GALNT13: variants seen among roughly 807,000 people sequenced by gnomAD.
The protein encoded by GALNT13 is UDP-GalNAc:polypeptide N-acetylgalactosaminyltransferase 13.
GALNT13 carries 28 observed loss-of-function variants against 64.2 expected under a neutral mutation model. The observed-to-expected ratio is 0.44, with a 90% CI of 0.32 to 0.60. The LOEUF (loss-of-function observed/expected upper bound fraction) is 0.60. Ranked by LOEUF, GALNT13 falls within the 20% of genes least tolerant of loss-of-function variation. The pLI is 0.05. For synonymous variants in GALNT13, 214 were observed against 224.6 expected, an observed-to-expected ratio of 0.95 and a Z score of 0.42; for missense variants, 577 against 669.8, an observed-to-expected ratio of 0.86 and a Z score of 1.53.
chr2:154,434,526 T>A (rs1449920333), intron 11 of GALNT13, among the ~76,000 whole-genome samples: 1 of 152,138 alleles, frequency 6.6e-6, no homozygotes. Context: ...CCCAAACTGC[T>A]GGGATTAAGG....
At chr2:153,134,937 GA>G in the GALNT13 span, among the ~76,000 whole-genome samples, 68 of 152,252 alleles carry the variant, frequency 4.5e-4, 1 homozygote, top group Non-Finnish European at 6.9e-4. Context: ...TGGGGGCTGA[GA>G]AAGATGACAG....
chr2:154,169,230 G>A (rs1449417232), intron 4 of GALNT13, among the ~76,000 whole-genome samples: 1 of 152,060 alleles, frequency 6.6e-6, no homozygotes, highest in Non-Finnish European at 1.5e-5. Context: ...GTTTTGGAGG[G>A]GAGGGGTCAA....
the GALNT13 span, among the ~76,000 whole-genome samples, chr2:153,839,286 T>C: frequency 1.3e-5 from 2 of 151,904 alleles, no homozygotes; most frequent in Non-Finnish European, 2.9e-5. Context: ...CTAGAACTTC[T>C]AGTACTATAT....
chr2:153,738,129 AGTTT>A, the GALNT13 span, among the ~76,000 whole-genome samples: 30 of 151,788 alleles, frequency 2.0e-4, no homozygotes, highest in East Asian at 3.9e-4. Flanking sequence ...ACATTATGTG[AGTTT>A]GTTTATTAAT....
At chr2:153,496,292 C>T in the GALNT13 span, among the ~76,000 whole-genome samples, 3 of 152,068 alleles carry the variant, frequency 2.0e-5, no homozygotes, top group African/African-American at 7.2e-5. Flanking sequence ...TTAAGGAATC[C>T]CTAATGGCAG....
chr2:154,001,197 T>A (rs1695879635), intron 3 of GALNT13, among the ~76,000 whole-genome samples: 1 of 151,996 alleles, frequency 6.6e-6, no homozygotes, highest in African/African-American at 2.4e-5. Flanking sequence ...GAAGTAGATT[T>A]CTTGCAGGCA....
intron 7 of GALNT13, among the ~76,000 whole-genome samples, chr2:154,248,803 A>G (rs748395914): frequency 1.5e-4 from 23 of 152,180 alleles, no homozygotes; most frequent in Non-Finnish European, 2.9e-4. Context: ...TGTTCCTGAC[A>G]CTGAGGCTGA....
chr2:153,886,368 C>G (rs150769216), intron 1 of GALNT13, among the ~76,000 whole-genome samples: 1 of 151,632 alleles, frequency 6.6e-6, no homozygotes, highest in Non-Finnish European at 1.5e-5. Flanking sequence ...CCCACTCCCC[C>G]CACCCCGCAA....
chr2:153,962,833 G>C (rs1207470685), intron 3 of GALNT13, among the ~76,000 whole-genome samples: 1 of 152,076 alleles, frequency 6.6e-6, no homozygotes, highest in African/African-American at 2.4e-5. Context: ...CACTGATCTG[G>C]TTTTTGTGAT....
the GALNT13 span, among the ~76,000 whole-genome samples, chr2:153,689,716 T>C: frequency 6.6e-6 from 1 of 152,068 alleles, no homozygotes; most frequent in Non-Finnish European, 1.5e-5. Flanking sequence ...TGTTTTTCCT[T>C]TGTAGATGAT....
chr2:154,105,458 A>G (rs1702561868), intron 3 of GALNT13, among the ~76,000 whole-genome samples: 1 of 152,178 alleles, frequency 6.6e-6, no homozygotes, highest in Non-Finnish European at 1.5e-5. Flanking sequence ...AGTATTCAGT[A>G]AAGTAACATG....
At chr2:153,567,900 A>C in the GALNT13 span, among the ~76,000 whole-genome samples, 1 of 152,198 alleles carries the variant, frequency 6.6e-6, no homozygotes, top group African/African-American at 2.4e-5. Context: ...TTGATTCCGA[A>C]ATCTGTGGTA....
At chr2:153,506,729 C>T in the GALNT13 span, among the ~76,000 whole-genome samples, 962 of 151,638 alleles carry the variant, frequency 6.3e-3, 10 homozygotes, top group African/African-American at 0.022. Flanking sequence ...TATAGGTTTT[C>T]CTTTATAGGT....
intron 2 of GALNT13, chr2:153,926,473 G>A (rs1690143962): frequency 1.3e-5 from 2 of 152,078 alleles, no homozygotes; most frequent in Admixed American, 1.3e-4. Flanking sequence ...AAGAGTCCAG[G>A]TTTGAAAAGT....
At chr2:153,151,796 C>CAT in the GALNT13 span, among the ~76,000 whole-genome samples, 8 of 139,714 alleles carry the variant, frequency 5.7e-5, no homozygotes, top group East Asian at 2.2e-4. Flanking sequence ...CACATAGACA[C>CAT]AGGAAGGGGA....
chr2:153,899,146 A>G (rs1688069090), intron 1 of GALNT13, among the ~76,000 whole-genome samples: 1 of 152,198 alleles, frequency 6.6e-6, no homozygotes, highest in African/African-American at 2.4e-5. Context: ...TCAGTAAGCC[A>G]GATGTGGTTT....
chr2:153,210,626 A>G, the GALNT13 span, among the ~76,000 whole-genome samples: 6 of 149,734 alleles, frequency 4.0e-5, no homozygotes, highest in Non-Finnish European at 9.0e-5. Flanking sequence ...TTGTGCATAA[A>G]GTTCTTGTCT....
At chr2:153,453,654 T>C in the GALNT13 span, among the ~76,000 whole-genome samples, 1 of 152,242 alleles carries the variant, frequency 6.6e-6, no homozygotes, top group East Asian at 1.9e-4. Flanking sequence ...GAGAATAGTT[T>C]TACACTGTTG....
the GALNT13 span, among the ~76,000 whole-genome samples, chr2:153,543,909 A>G: frequency 6.6e-6 from 1 of 152,190 alleles, no homozygotes; most frequent in Non-Finnish European, 1.5e-5. Context: ...GGAGGCGTTC[A>G]TTAGAAGTGT....
Sources: allele counts gnomAD v4.1 joint callset (sites outside exome capture counted in the v4.1 genomes callset), GRCh38; gene constraint gnomAD v4.1.1; transcripts MANE v1.5; gene names NCBI Gene and HGNC (gene_info 2026-07-23, HGNC 2026-07-21).